Variants in PDE4D observed in about 807,000 individuals in gnomAD.
PDE4D encodes the protein 3',5'-cyclic-AMP phosphodiesterase 4D.
PDE4D carries 24 observed loss-of-function variants against 87.4 expected under a neutral mutation model. The observed-to-expected ratio is 0.27, with a 90% CI of 0.20 to 0.39. PDE4D has a LOEUF of 0.39. Ranked by LOEUF, PDE4D falls within the 10% of genes least tolerant of loss-of-function variation. The pLI is 1.00. For synonymous variants in PDE4D, 384 were observed against 383.2 expected, an observed-to-expected ratio of 1.00 and a Z score of -0.02; for missense variants, 714 against 1,041.0, an observed-to-expected ratio of 0.69 and a Z score of 4.32.
At chr5:59,725,912 T>C (rs1022211616) in intron 1 of PDE4D, among the ~76,000 whole-genome samples, 1 of 152,072 alleles carries the variant, frequency 6.6e-6, no homozygotes, top group African/African-American at 2.4e-5. Context: ...TCTAAACAAT[T>C]ATGTGACTTT....
intron 1 of PDE4D, among the ~76,000 whole-genome samples, chr5:59,514,108 CTTT>C (rs766645707): frequency 2.1e-5 from 3 of 139,932 alleles, no homozygotes. Context: ...TTACATTTTT[CTTT>C]TTTTTTTTTT....
intron 1 of PDE4D, among the ~76,000 whole-genome samples, chr5:60,304,758 A>G (rs528910478): frequency 6.6e-6 from 1 of 152,060 alleles, no homozygotes. Flanking sequence ...ATAACTTCTT[A>G]TAGTATCAAA....
chr5:58,986,692 A>C (rs1448194264), intron 11 of PDE4D, among the ~76,000 whole-genome samples: 2 of 152,156 alleles, frequency 1.3e-5, no homozygotes, highest in African/African-American at 4.8e-5. Flanking sequence ...CTGCGCCCCC[A>C]GTTTATGGAA....
chr5:59,178,915 A>G (rs1740802088), intron 5 of PDE4D, among the ~76,000 whole-genome samples: 1 of 152,152 alleles, frequency 6.6e-6, no homozygotes, highest in Non-Finnish European at 1.5e-5. Context: ...CTCTCACTAG[A>G]GGCCTCAGGT....
intron 3 of PDE4D, among the ~76,000 whole-genome samples, chr5:59,949,489 AAC>A (rs1364514486): frequency 6.6e-6 from 1 of 152,006 alleles, no homozygotes; most frequent in African/African-American, 2.4e-5. Context: ...TTGTATTAGA[AAC>A]ACACGTGATA....
rs576467500 is a variant in PDE4D, at chr5:59,099,851, C to T, written c.809-60880G>A. Among the ~76,000 whole-genome samples, 689 of 152,322 alleles carry T rather than the reference C, an allele frequency of 4.5e-3. 8 individuals carry two copies. Among genetic ancestry groups the T allele is most frequent in the African/African-American group, 0.016 (656 of 41,560 alleles). ...ACTTACTTCCTCAGACTCCACCCAG[C>T]TGCATTCTCAACAAACCACAGTCCA... On this transcript the variant is annotated intron_variant, in intron 5 of 14. Coordinates refer to ENST00000340635, the MANE Select transcript of PDE4D (RefSeq NM_001104631.2).
chr5:59,591,950 AT>A (rs1825978543), intron 1 of PDE4D, among the ~76,000 whole-genome samples: 1 of 152,150 alleles, frequency 6.6e-6, no homozygotes, highest in African/African-American at 2.4e-5. Flanking sequence ...AAAAAATAAA[AT>A]TTACATGAGT....
chr5:60,114,727 G>C (rs578199264), intron 2 of PDE4D, among the ~76,000 whole-genome samples: 3 of 152,066 alleles, frequency 2.0e-5, no homozygotes, highest in African/African-American at 7.2e-5. Context: ...CACTTTGCTT[G>C]TTAAATCTTA....
chr5:60,314,320 C>T (rs541466302), intron 1 of PDE4D, among the ~76,000 whole-genome samples: 61 of 151,886 alleles, frequency 4.0e-4, no homozygotes, highest in African/African-American at 1.4e-3. Flanking sequence ...GAACATGCTG[C>T]CATGCCCAAC....
At chr5:59,575,934 A>T (rs1823069883) in intron 1 of PDE4D, among the ~76,000 whole-genome samples, 4 of 152,148 alleles carry the variant, frequency 2.6e-5, no homozygotes, top group Non-Finnish European at 5.9e-5. Context: ...TCATAATTCA[A>T]ACTTAACCCA....
At chr5:59,536,198 T>C (rs1019339715) in intron 1 of PDE4D, among the ~76,000 whole-genome samples, 1 of 152,032 alleles carries the variant, frequency 6.6e-6, no homozygotes, top group African/African-American at 2.4e-5. Context: ...AAGTTCTATC[T>C]GGAAAATTTA....
intron 3 of PDE4D, among the ~76,000 whole-genome samples, chr5:59,919,950 T>C (rs1192429773): frequency 1.3e-5 from 2 of 152,328 alleles, no homozygotes; most frequent in East Asian, 3.9e-4. Context: ...TTCTTCTATG[T>C]ACATGGTAAA....
chr5:59,495,933 A>G lies in PDE4D; in HGVS notation c.456-279965T>C, dbSNP rs1255015372. 2.6e-5 allele frequency among the ~76,000 whole-genome samples: 4 copies of G among 152,292 alleles called. No homozygotes were observed. In the East Asian group the frequency reaches 7.7e-4, roughly 29 times the overall value. ...ATGGGCTCTTTCAGTTTTGCCGTCTATAGGCAGCTTGTGTTAACCAGCTCA... is the reference window on the plus strand; with the variant it reads ...ATGGGCTCTTTCAGTTTTGCCGTCTGTAGGCAGCTTGTGTTAACCAGCTCA... On this transcript the variant is annotated intron_variant, in intron 1 of 14. Coordinates refer to ENST00000340635, the MANE Select transcript of PDE4D (RefSeq NM_001104631.2).
chr5:60,097,162 C>T (rs1485513118), intron 2 of PDE4D, among the ~76,000 whole-genome samples: 1 of 151,356 alleles, frequency 6.6e-6, no homozygotes, highest in African/African-American at 2.4e-5. Context: ...TTGTCCATGG[C>T]AAAGATGGAA....
intron 2 of PDE4D, among the ~76,000 whole-genome samples, chr5:60,064,606 C>T (rs1771847320): frequency 6.6e-6 from 1 of 152,116 alleles, no homozygotes; most frequent in Non-Finnish European, 1.5e-5. Context: ...TTGACTGACA[C>T]TATCAGCATA....
chr5:60,115,311 A>G (rs1045295244), intron 2 of PDE4D, among the ~76,000 whole-genome samples: 1 of 152,060 alleles, frequency 6.6e-6, no homozygotes, highest in African/African-American at 2.4e-5. Context: ...TCACCAGGGT[A>G]AGATTCGCCA....
At chr5:59,464,540 T>G (rs1207709879) in intron 1 of PDE4D, among the ~76,000 whole-genome samples, 3 of 152,224 alleles carry the variant, frequency 2.0e-5, no homozygotes, top group Non-Finnish European at 2.9e-5. Flanking sequence ...CTTGTGACCC[T>G]GACACATCCC....
intron 3 of PDE4D, among the ~76,000 whole-genome samples, chr5:59,916,875 C>T (rs1181362750): frequency 6.6e-6 from 1 of 151,700 alleles, no homozygotes; most frequent in Non-Finnish European, 1.5e-5. Flanking sequence ...GCAACCTCCA[C>T]CTCCTGGGTT....
intron 2 of PDE4D, among the ~76,000 whole-genome samples, chr5:60,071,304 T>A (rs1772692650): frequency 6.6e-6 from 1 of 152,054 alleles, no homozygotes; most frequent in Non-Finnish European, 1.5e-5. Flanking sequence ...TTTTTTCTTT[T>A]AAATTTTAAT....
Sources: allele counts gnomAD v4.1 joint callset (sites outside exome capture counted in the v4.1 genomes callset), GRCh38; gene constraint gnomAD v4.1.1; transcripts MANE v1.5; gene names NCBI Gene and HGNC (gene_info 2026-07-23, HGNC 2026-07-21).